LAMTOR2: variants seen among roughly 807,000 people sequenced by gnomAD.
LAMTOR2 encodes late endosomal/lysosomal adaptor, MAPK and MTOR activator 2, also known as ragulator complex protein LAMTOR2.
Under a neutral mutation model 15.8 loss-of-function variants are expected in LAMTOR2, and 4 were observed. The observed-to-expected ratio is 0.25, with a 90% CI of 0.12 to 0.58. The LOEUF (loss-of-function observed/expected upper bound fraction) is 0.58. LAMTOR2 is among the 20% of genes least tolerant of loss of function. The pLI, the probability that LAMTOR2 is intolerant of heterozygous loss-of-function variation, is 0.91. For synonymous variants in LAMTOR2, 62 were observed against 64.1 expected (o/e 0.97, Z 0.15); for missense variants, 100 against 161.0 (o/e 0.62, Z 2.05).
rs1647327310 is a variant in LAMTOR2, at chr1:156,055,578, CCT to C, written c.231+154_231+155del. 1 of 826,606 alleles carries C rather than the reference CCT, an allele frequency of 1.2e-6. No homozygotes were observed. The highest frequency in any genetic ancestry group is 1.9e-6 in the Non-Finnish European group (1 of 514,236). The allele number at this position is 826,606 out of a possible 1,614,324, so 51.2% of individuals were successfully genotyped here. A position where few individuals can be genotyped will look rare whatever the true frequency, so the allele number is the denominator to read the frequency against. On this transcript the variant is annotated intron_variant, in intron 2 of 3. Transcript: ENST00000368305. This position sits in a 1 kb window ranked among gnomAD's most constrained non-coding sequence, Gnocchi z 4.8. ...CAGCAGCATTTGTAATAGGCAGGACCCTATTCATCAAGTGGTGGTGAGGAAGG... is the reference window on the plus strand; with the variant it reads ...CAGCAGCATTTGTAATAGGCAGGACCATTCATCAAGTGGTGGTGAGGAAGG...
chr1:156,055,781 A>T lies in LAMTOR2; in HGVS notation c.231+356A>T. ...TGGGTTGTTGTGAAGGTCAGATGAA[A>T]TAATGGGTATAAACAGTAGAATGAC... On this transcript the variant is annotated intron_variant, in intron 2 of 3. Coordinates refer to ENST00000368305, the MANE Select transcript of LAMTOR2 (RefSeq NM_014017.4). The surrounding 1 kb of genome is among the most constrained non-coding windows in gnomAD (Gnocchi z 4.8). The T allele has an allele frequency of 5.7e-6, 2 of 347,864 alleles. No homozygotes were observed. Among genetic ancestry groups the T allele is most frequent in the South Asian group, 2.6e-5 (1 of 38,718 alleles). The allele number at this position is 347,864 out of a possible 1,614,324, so 21.5% of individuals were successfully genotyped here.
At chr1:156,057,312 A>C (rs1475220925) in intron 2 of LAMTOR2, among the ~76,000 whole-genome samples, 1 of 152,076 alleles carries the variant, frequency 6.6e-6, no homozygotes, top group Non-Finnish European at 1.5e-5. Context: ...TGGTGACCTA[A>C]TAAGACCCCA....
At position 156,055,218 on chromosome 1, in the gene LAMTOR2, C is replaced by T; in HGVS notation, c.69-45C>T. ...TTGGGATGGAAACCCAGACGTTTTA[C>T]TCCCCGCTCTGAGCACATCGCTATC... is the stretch of plus-strand genomic sequence containing the variant. On this transcript the variant is annotated intron_variant, in intron 1 of 3. Coordinates refer to ENST00000368305, the MANE Select transcript of LAMTOR2 (RefSeq NM_014017.4). This position sits in a 1 kb window ranked among gnomAD's most constrained non-coding sequence, Gnocchi z 4.8. The T allele has an allele frequency of 6.2e-7, 1 of 1,610,040 alleles. No individual in the cohort carries two copies. Among genetic ancestry groups the T allele is most frequent in the Non-Finnish European group, 8.5e-7 (1 of 1,178,880 alleles).
intron 2 of LAMTOR2, chr1:156,056,094 C>G (rs1647356561): frequency 6.5e-6 from 1 of 153,656 alleles, no homozygotes; most frequent in Non-Finnish European, 1.4e-5. Context: ...CCTCGACCTC[C>G]CTGGGCTCAG....
chr1:156,057,482 G>C (rs887786401), intron 2 of LAMTOR2, among the ~76,000 whole-genome samples: 4 of 143,178 alleles, frequency 2.8e-5, no homozygotes, highest in African/African-American at 1.1e-4. Flanking sequence ...TTTCTTTTTT[G>C]GTTTTTAATG....
intron 3 of LAMTOR2, 36 bp from the exon 4 acceptor site, chr1:156,058,279 C>T (rs1448304578): frequency 6.2e-7 from 1 of 1,613,762 alleles, no homozygotes; most frequent in Non-Finnish European, 8.5e-7. Flanking sequence ...TAATGCCAGG[C>T]TGTGTGCGGG....
At chr1:156,056,840 G>C (rs902898274) in intron 2 of LAMTOR2, among the ~76,000 whole-genome samples, 1 of 152,068 alleles carries the variant, frequency 6.6e-6, no homozygotes, top group South Asian at 2.1e-4. Context: ...TGGTGCTATA[G>C]GGCAATAGCT....
chr1:156,058,452 A>G lies in LAMTOR2; in HGVS notation c.*81A>G, dbSNP rs538118059. 2.1e-6 allele frequency: 3 copies of G among 1,441,844 alleles called. No homozygotes were observed. The East Asian group carries it at 6.9e-5, about 33-fold the overall frequency. 89.3% of individuals were successfully genotyped at this position (1,441,844 alleles called of 1,614,324 possible). A position where few individuals can be genotyped will look rare whatever the true frequency, so the allele number is the denominator to read the frequency against. On this transcript the variant is annotated 3_prime_UTR_variant, in exon 4 of 4. Transcript: ENST00000368305. ...GCCTCCTAGAAGAACCTTCTTAGAC[A>G]ATGGGGGGAGGATGGGACTTTGTTT...
chr1:156,058,319 A>G lies in LAMTOR2; in HGVS notation c.326A>G (p.Gln109Arg), dbSNP rs771305920. 1.9e-6 allele frequency: 3 copies of G among 1,613,986 alleles called. No homozygotes were observed. The East Asian group carries it at 6.7e-5, about 36-fold the overall frequency. ...ATCTCTGTTCTCCCTCTGCAGGCCC[A>G]GGCTTTGGTGCAGTACCTGGAGGAG... ...VGFGMLKAKA[Q>R]ALVQYLEEPL... The change falls in exon 4 of 4, where the codon CAG becomes CGG. Residue 109 changes from glutamine (Q) to arginine (R), a missense_variant. Gln to Arg is a conservative substitution (Grantham distance 43). Transcript: ENST00000368305.
Position 156,058,344 on chromosome 1 carries a change from G to T in LAMTOR2, c.351G>T (p.Glu117Asp), listed in dbSNP as rs767960358. ...KAQALVQYLEEPLTQVAAS is the reference protein window; with the variant it reads ...KAQALVQYLEDPLTQVAAS The stretch of plus-strand genomic sequence containing the variant: ...AGGCTTTGGTGCAGTACCTGGAGGA[G>T]CCCCTCACCCAAGTGGCGGCATCTT... The change falls in exon 4 of 4, where the codon GAG becomes GAT. Residue 117 changes from glutamate (E) to aspartate (D), a missense_variant. By Grantham distance (45) the Glu-to-Asp change is conservative. Transcript: ENST00000368305. 1.9e-6 allele frequency: 3 copies of T among 1,614,090 alleles called. No individual in the cohort carries two copies. The highest frequency in any genetic ancestry group is 1.1e-5 in the South Asian group (1 of 91,078).
chr1:156,056,596 G>A (rs192314018), intron 2 of LAMTOR2, among the ~76,000 whole-genome samples: 2,052 of 152,308 alleles, frequency 0.013, 20 homozygotes, highest in Non-Finnish European at 0.022. Flanking sequence ...TGAGATGGAG[G>A]AGGGTAGTAG....
chr1:156,055,275 C>T lies in LAMTOR2; in HGVS notation c.81C>T (p.Asn27=), dbSNP rs1465971243. ...CGCCCCTCACCAGGCTGCTGAATAA[C>T]GAGGGATCACTGCTGGCCTACTCTG... ...GGVQSTLLLN[N]EGSLLAYSGY... The change falls in exon 2 of 4, where the codon AAC becomes AAT. Residue 27 remains asparagine, a synonymous_variant. Transcript: ENST00000368305. This position sits in a 1 kb window ranked among gnomAD's most constrained non-coding sequence, Gnocchi z 4.8. The T allele has an allele frequency of 6.2e-7, 1 of 1,613,934 alleles. No individual in the cohort carries two copies. Among genetic ancestry groups the T allele is most frequent in the African/African-American group, 1.3e-5 (1 of 74,926 alleles).
intron 2 of LAMTOR2, 78 bp from the exon 3 acceptor site, chr1:156,057,900 G>C: frequency 7.6e-7 from 1 of 1,319,378 alleles, no homozygotes; most frequent in Non-Finnish European, 1.1e-6. Flanking sequence ...TCTCTCTGGG[G>C]CCAGAGAAGC....
chr1:156,058,459 G>A lies in LAMTOR2; in HGVS notation c.*88G>A, dbSNP rs201953419. 51 of 1,386,134 alleles carry A rather than the reference G, an allele frequency of 3.7e-5. No individual in the cohort carries two copies. Among genetic ancestry groups the A allele is most frequent in the Non-Finnish European group, 4.7e-5 (46 of 975,638 alleles). 85.9% of individuals were successfully genotyped at this position (1,386,134 alleles called of 1,614,324 possible). On this transcript the variant is annotated 3_prime_UTR_variant, in exon 4 of 4. Transcript: ENST00000368305. ...AGAAGAACCTTCTTAGACAATGGGG[G>A]GAGGATGGGACTTTGTTTTTTCCAA... is the stretch of plus-strand genomic sequence containing the variant.
At position 156,055,031 on chromosome 1, in the gene LAMTOR2, G is replaced by A; in HGVS notation, c.68+74G>A. On this transcript the variant is annotated intron_variant, in intron 1 of 3. Transcript: ENST00000368305. The surrounding 1 kb of genome is among the most constrained non-coding windows in gnomAD (Gnocchi z 4.8). ...GCGCGGCTCCCTGAGGGAGGGGTGG[G>A]GAAGGATCACCAGGAAGGGAGGAAG... The A allele has an allele frequency of 6.6e-7, 1 of 1,514,360 alleles. No homozygotes were observed. Among genetic ancestry groups the A allele is most frequent in the South Asian group, 1.1e-5 (1 of 87,704 alleles). 93.8% of individuals were successfully genotyped at this position (1,514,360 alleles called of 1,614,324 possible).
Position 156,055,888 on chromosome 1 carries a change from A to C in LAMTOR2, c.231+463A>C, listed in dbSNP as rs916621328. The stretch of plus-strand genomic sequence containing the variant: ...CTCCAGACCCTAGTCCAACCCCTTA[A>C]GCTTTCAAAGAAAGGAAAATGAAGT... On this transcript the variant is annotated intron_variant, in intron 2 of 3. Transcript: ENST00000368305. This position sits in a 1 kb window ranked among gnomAD's most constrained non-coding sequence, Gnocchi z 4.8. 2.1e-5 allele frequency: 4 copies of C among 186,760 alleles called. No homozygotes were observed. Among genetic ancestry groups the C allele is most frequent in the African/African-American group, 6.9e-5 (3 of 43,172 alleles). 11.6% of individuals were successfully genotyped at this position (186,760 alleles called of 1,614,324 possible).
At position 156,055,575 on chromosome 1, in the gene LAMTOR2, G is replaced by GTAATAGGC. The variant is rs1647327176; in HGVS notation, c.231+150_231+151insTAATAGGC. ...CTGCAGCAGCATTTGTAATAGGCAG[G>GTAATAGGC]ACCCTATTCATCAAGTGGTGGTGAG... On this transcript the variant is annotated intron_variant, in intron 2 of 3. Transcript: ENST00000368305. This position sits in a 1 kb window ranked among gnomAD's most constrained non-coding sequence, Gnocchi z 4.8. 1.2e-6 allele frequency: 1 copy of GTAATAGGC among 842,348 alleles called. No homozygotes were observed. The highest frequency in any genetic ancestry group is 1.9e-6 in the Non-Finnish European group (1 of 525,854). 52.2% of individuals were successfully genotyped at this position (842,348 alleles called of 1,614,324 possible).
At chr1:156,056,950 C>T (rs188525960) in intron 2 of LAMTOR2, among the ~76,000 whole-genome samples, 74 of 152,158 alleles carry the variant, frequency 4.9e-4, no homozygotes, top group Non-Finnish European at 6.3e-4. Flanking sequence ...GAGGCCGAGG[C>T]GGGCGGATCA....
chr1:156,058,235 A>G (rs1558095012), intron 3 of LAMTOR2, 80 bp from the exon 4 acceptor site: 9 of 1,588,094 alleles, frequency 5.7e-6, no homozygotes, highest in Admixed American at 1.7e-5. Context: ...GTTGCTTCCT[A>G]TGGCACTGGG....
Sources: gnomAD v4.1 joint callset for allele counts (sites outside exome capture counted in the v4.1 genomes callset) on GRCh38, gnomAD v4.1.1 for gene constraint, Gnocchi (gnomAD v3.1) non-coding constraint, MANE v1.5 for transcripts, NCBI Gene and HGNC (gene_info 2026-07-23, HGNC 2026-07-21) for gene names.